The following WTIP variants were observed in gnomAD, a reference collection of about 807,000 sequenced individuals.
WTIP encodes Wilms tumor protein 1-interacting protein.
Under a neutral mutation model 41.7 loss-of-function variants are expected in WTIP, and 23 were observed. The observed-to-expected ratio is 0.55, with a 90% CI of 0.40 to 0.78. The LOEUF (loss-of-function observed/expected upper bound fraction) is 0.78, where lower values mean the gene tolerates loss of function less well. Ranked by LOEUF, WTIP falls within the 30% of genes least tolerant of loss-of-function variation. WTIP has a pLI of 0.00. For synonymous variants in WTIP, 314 were observed against 269.9 expected, an observed-to-expected ratio of 1.16 and a Z score of -1.60; for missense variants, 619 against 610.5, an observed-to-expected ratio of 1.01 and a Z score of -0.15.
chr19:34,494,186 G>A (rs1240354212), intron 5 of WTIP, among the ~76,000 whole-genome samples: 3 of 152,274 alleles, frequency 2.0e-5, no homozygotes, highest in African/African-American at 7.2e-5. Context: ...CAGGAAACAT[G>A]GGGGCAGATG....
chr19:34,495,255 G>C (rs533525846), intron 6 of WTIP, among the ~76,000 whole-genome samples: 1 of 152,286 alleles, frequency 6.6e-6, no homozygotes, highest in East Asian at 1.9e-4. Flanking sequence ...AAATTAGCTG[G>C]GTGTGGTTGT....
Position 34,500,377 on chromosome 19 carries a change from C to T in WTIP, c.*108C>T. 1 of 1,373,880 alleles carries T rather than the reference C, an allele frequency of 7.3e-7. No individual in the cohort carries two copies. The highest frequency in any genetic ancestry group is 9.6e-7 in the Non-Finnish European group (1 of 1,045,568). The allele number at this position is 1,373,880 out of a possible 1,614,324, so 85.1% of individuals were successfully genotyped here. On this transcript the variant is annotated 3_prime_UTR_variant, in exon 8 of 8. Transcript: ENST00000590071. ...GGAGCTCCCTCCAATCAGTTTCCCACCGAGCTGCTGTCTGCAGGGGCCGGA... is the reference window on the plus strand; with the variant it reads ...GGAGCTCCCTCCAATCAGTTTCCCATCGAGCTGCTGTCTGCAGGGGCCGGA...
At position 34,500,553 on chromosome 19, in the gene WTIP, T is replaced by C; in HGVS notation, c.*284T>C. ...CAGGGTAGGCCGTGGGTCACCAGGC[T>C]GGAGAGGGCCCCTGCCTTGGCCAGG... On this transcript the variant is annotated 3_prime_UTR_variant, in exon 8 of 8. Coordinates refer to ENST00000590071, the MANE Select transcript of WTIP (RefSeq NM_001080436.2). 1 of 375,998 alleles carries C rather than the reference T, an allele frequency of 2.7e-6. No homozygotes were observed. 23.3% of individuals were successfully genotyped at this position (375,998 alleles called of 1,614,324 possible).
Position 34,495,756 on chromosome 19 carries a change from A to G in WTIP, c.1137A>G (p.Ala379=). The stretch of plus-strand genomic sequence containing the variant: ...CCATGGACAGAGACTACCACGTGGC[A>G]TGTTACCACTGTGAGGTGAGCCTGG... The part of the protein sequence containing the change: ...VVSMDRDYHV[A]CYHCEDCGLQ... Residue 379 remains alanine (A), a synonymous_variant, in exon 7 of 8, where the codon GCA becomes GCG. Coordinates refer to ENST00000590071, the MANE Select transcript of WTIP (RefSeq NM_001080436.2). 3 of 1,613,854 alleles carry G rather than the reference A, an allele frequency of 1.9e-6. No individual in the cohort carries two copies. The highest frequency in any genetic ancestry group is 2.5e-6 in the Non-Finnish European group (3 of 1,179,970).
intron 1 of WTIP, among the ~76,000 whole-genome samples, chr19:34,486,914 C>G (rs192965239): frequency 6.8e-6 from 1 of 147,370 alleles, no homozygotes; most frequent in African/African-American, 2.6e-5. Context: ...TTCATTGGCC[C>G]CTTCCCTTTG....
At chr19:34,484,630 C>T (rs890169181) in intron 1 of WTIP, among the ~76,000 whole-genome samples, 1 of 152,132 alleles carries the variant, frequency 6.6e-6, no homozygotes. Context: ...TTCCCGGCCC[C>T]TGTGTACTGC....
At chr19:34,500,024 G>C (rs553002270) in intron 7 of WTIP, 105 bp from the exon 8 acceptor site, 4 of 1,469,804 alleles carry the variant, frequency 2.7e-6, no homozygotes, top group Non-Finnish European at 3.6e-6. Flanking sequence ...GTTGTTTTGC[G>C]GCACCCTGCA....
At chr19:34,496,151 C>G (rs1300103785) in intron 7 of WTIP, among the ~76,000 whole-genome samples, 1 of 152,064 alleles carries the variant, frequency 6.6e-6, no homozygotes, top group Non-Finnish European at 1.5e-5. Context: ...GAGTGAGACT[C>G]TGTCTCAAAA....
At chr19:34,489,909 G>A (rs756962688) in intron 1 of WTIP, among the ~76,000 whole-genome samples, 9 of 152,150 alleles carry the variant, frequency 5.9e-5, no homozygotes, top group Non-Finnish European at 1.2e-4. Flanking sequence ...ACTCCAGCCT[G>A]TGGGACAGAG....
At chr19:34,494,275 C>G (rs956908581) in intron 5 of WTIP, among the ~76,000 whole-genome samples, 1 of 151,906 alleles carries the variant, frequency 6.6e-6, no homozygotes, top group African/African-American at 2.4e-5. Flanking sequence ...AGGCCAGGGC[C>G]GGGCATGGTG....
At chr19:34,497,063 A>G (rs1251129368) in intron 7 of WTIP, among the ~76,000 whole-genome samples, 5 of 152,054 alleles carry the variant, frequency 3.3e-5, no homozygotes, top group African/African-American at 1.2e-4. Context: ...GGGTTTCACC[A>G]TGTTGGCTGG....
At chr19:34,482,753 G>C (rs1025421003) in intron 1 of WTIP, 112 bp downstream of exon 1, 1 of 1,200,376 alleles carries the variant, frequency 8.3e-7, no homozygotes, top group African/African-American at 1.6e-5. Flanking sequence ...GCTGGCTGGG[G>C]GTGCAGCAGT....
In WTIP at chr19:34,512,228, A is replaced by G. The variant is rs892534830; in HGVS notation, c.*11959A>G. On this transcript the variant is annotated 3_prime_UTR_variant, in exon 8 of 8. Coordinates refer to ENST00000590071, the MANE Select transcript of WTIP (RefSeq NM_001080436.2). ...GGTCAGACTCCACCTTGAGTCTGGC[A>G]TTGGCTGTTGGCATCATGAGGACCC... is the stretch of plus-strand genomic sequence containing the variant. The G allele has an allele frequency of 1.3e-5, 2 of 152,188 alleles. No homozygotes were observed. Among genetic ancestry groups the G allele is most frequent in the African/African-American group, 4.8e-5 (2 of 41,426 alleles). The allele number at this position is 152,188 out of a possible 1,614,324, so 9.4% of individuals were successfully genotyped here. A position where few individuals can be genotyped will look rare whatever the true frequency, so the allele number is the denominator to read the frequency against.
rs2145603350 is a variant in WTIP, at chr19:34,493,686, AT to A, written c.1031+71del. 5.0e-6 allele frequency: 8 copies of A among 1,603,024 alleles called. No homozygotes were observed. The highest frequency in any genetic ancestry group is 1.1e-5 in the South Asian group (1 of 90,424). ...CGTCCTCCCTGGCTCCTCTGGAAGC[AT>A]TTTTTTCCTGCTGGACTGACTGCCC... On this transcript the variant is annotated intron_variant, in intron 5 of 7. Coordinates refer to ENST00000590071, the MANE Select transcript of WTIP (RefSeq NM_001080436.2). The surrounding 1 kb of genome is among the most constrained non-coding windows in gnomAD (Gnocchi z 4.1).
chr19:34,490,214 C>T (rs1242653763), intron 1 of WTIP, among the ~76,000 whole-genome samples, 162 bp from the exon 2 acceptor site: 1 of 152,152 alleles, frequency 6.6e-6, no homozygotes, highest in East Asian at 1.9e-4. Flanking sequence ...TCGTGGCCAC[C>T]CTGATGGTGC....
intron 1 of WTIP, among the ~76,000 whole-genome samples, chr19:34,483,027 C>G (rs1350168514): frequency 1.6e-5 from 2 of 122,752 alleles, no homozygotes; most frequent in African/African-American, 6.6e-5. Flanking sequence ...TTTTTTGAGA[C>G]AGGGTCTTCC....
chr19:34,484,943 A>AG (rs2075790095), intron 1 of WTIP, among the ~76,000 whole-genome samples: 1 of 151,652 alleles, frequency 6.6e-6, no homozygotes, highest in African/African-American at 2.4e-5. Context: ...TTTAAAAAAA[A>AG]AAAAAAAAAA....
Position 34,505,435 on chromosome 19 carries a change from G to C in WTIP, c.*5166G>C, listed in dbSNP as rs2075907168. The C allele has an allele frequency of 6.6e-6, 1 of 152,298 alleles. No homozygotes were observed. Among genetic ancestry groups the C allele is most frequent in the Admixed American group, 6.5e-5 (1 of 15,290 alleles). The allele number at this position is 152,298 out of a possible 1,614,324, so 9.4% of individuals were successfully genotyped here. ...GGCATAGGGCCCAAGGATTCCCCAG[G>C]GATGCCAGCCCCCCTGTGGGCCCTC... On this transcript the variant is annotated 3_prime_UTR_variant, in exon 8 of 8. Coordinates refer to ENST00000590071, the MANE Select transcript of WTIP (RefSeq NM_001080436.2).
rs1249546457 is a variant in WTIP at position 34,512,199 on chromosome 19, T to G, written c.*11930T>G. 2 of 152,132 alleles carry G rather than the reference T, an allele frequency of 1.3e-5. No individual in the cohort carries two copies. Among genetic ancestry groups the G allele is most frequent in the Non-Finnish European group, 2.9e-5 (2 of 68,036 alleles). The allele number at this position is 152,132 out of a possible 1,614,324, so 9.4% of individuals were successfully genotyped here. A position where few individuals can be genotyped will look rare whatever the true frequency, so the allele number is the denominator to read the frequency against. On this transcript the variant is annotated 3_prime_UTR_variant, in exon 8 of 8. Transcript: ENST00000590071. ...TCTAATGGGAAGGCCAAGAGGCAGGTCAGGGTCAGACTCCACCTTGAGTCT... is the reference window on the plus strand; with the variant it reads ...TCTAATGGGAAGGCCAAGAGGCAGGGCAGGGTCAGACTCCACCTTGAGTCT...
Sources: allele counts gnomAD v4.1 joint callset (sites outside exome capture counted in the v4.1 genomes callset), GRCh38; gene constraint gnomAD v4.1.1; non-coding constraint Gnocchi (gnomAD v3.1); transcripts MANE v1.5; gene names NCBI Gene and HGNC (gene_info 2026-07-23, HGNC 2026-07-21).